The following MAPK10 variants were observed in gnomAD, a reference collection of about 807,000 sequenced individuals.
The protein encoded by MAPK10 is JNK3 alpha protein kinase.
Under a neutral mutation model 59.3 loss-of-function variants are expected in MAPK10, and 25 were observed. That is an observed-to-expected ratio of 0.42 (90% CI 0.31 to 0.59). MAPK10 has a LOEUF of 0.59. Among genes scored for constraint, MAPK10 ranks in the 20% least tolerant of loss-of-function variants. MAPK10 has a pLI of 0.15. For missense variants in MAPK10, 351 were observed against 568.9 expected (o/e 0.62, Z 3.90); for synonymous variants, 190 against 200.5 (o/e 0.95, Z 0.44).
At chr4:86,234,711 T>C (rs1429237590) in intron 2 of MAPK10, among the ~76,000 whole-genome samples, 2 of 152,138 alleles carry the variant, frequency 1.3e-5, no homozygotes, top group African/African-American at 2.4e-5. Flanking sequence ...CTTATTAATA[T>C]GGATTTTTAT....
chr4:86,377,530 A>C, intron 1 of MAPK10, among the ~76,000 whole-genome samples: 1 of 152,206 alleles, frequency 6.6e-6, no homozygotes, highest in Admixed American at 6.5e-5. Flanking sequence ...TTAGAGTGTA[A>C]GTTTCATGAG....
At chr4:86,320,476 G>T (rs979471952) in intron 2 of MAPK10, among the ~76,000 whole-genome samples, 10 of 152,158 alleles carry the variant, frequency 6.6e-5, no homozygotes, top group African/African-American at 1.9e-4. Flanking sequence ...TTGTCAGAAA[G>T]AATGGTATCA....
chr4:86,336,230 A>C (rs989951581), intron 2 of MAPK10: 12 of 126,702 alleles, frequency 9.5e-5, no homozygotes, highest in African/African-American at 3.3e-4. Flanking sequence ...GAGGGATAAC[A>C]CAAAAATGTT....
In MAPK10 at chr4:86,014,345, T is replaced by TGTGTGTGTGTGTGTGTG. The variant is rs754844876; in HGVS notation, c.*2882_*2883insCACACACACACACACAC. ...GTGTGTGTGTGTGTGTGTGTGTGTG[T>TGTGTGTGTGTGTGTGTG]TAAGACAGACAAGTGAATGCAGAAC... On this transcript the variant is annotated 3_prime_UTR_variant, in exon 14 of 14. Transcript: ENST00000641462. 1.4e-5 allele frequency: 2 copies of TGTGTGTGTGTGTGTGTG among 140,288 alleles called. No individual in the cohort carries two copies. The highest frequency in any genetic ancestry group is 3.0e-5 in the Non-Finnish European group (2 of 66,072). The allele number at this position is 140,288 out of a possible 1,614,324, so 8.7% of individuals were successfully genotyped here. A position where few individuals can be genotyped will look rare whatever the true frequency, so the allele number is the denominator to read the frequency against.
Position 86,110,772 on chromosome 4 carries a change from G to A in MAPK10, c.237-3420C>T, listed in dbSNP as rs575409127. 8.5e-5 allele frequency among the ~76,000 whole-genome samples: 13 copies of A among 152,276 alleles called. No individual in the cohort carries two copies. The South Asian group carries it at 2.7e-3, about 32-fold the overall frequency. ...AGTTTTTTCTAATTCTGTGAAGAATGTCAATGGTAGTTTAATGGGAATTGC... is the reference window on the plus strand; with the variant it reads ...AGTTTTTTCTAATTCTGTGAAGAATATCAATGGTAGTTTAATGGGAATTGC... On this transcript the variant is annotated intron_variant, in intron 4 of 13. Transcript: ENST00000641462.
chr4:86,148,530 A>C (rs2149201498), intron 4 of MAPK10, among the ~76,000 whole-genome samples: 1 of 152,292 alleles, frequency 6.6e-6, no homozygotes, highest in East Asian at 1.9e-4. Context: ...ACTATCCATG[A>C]TGATAGCCCA....
intron 2 of MAPK10, among the ~76,000 whole-genome samples, chr4:86,198,681 T>C (rs2081948960): frequency 6.6e-6 from 1 of 151,862 alleles, no homozygotes; most frequent in African/African-American, 2.4e-5. Context: ...AAATAAGTCA[T>C]AAATAATATA....
At chr4:86,358,258 C>A (rs916521865) in intron 1 of MAPK10, 4 of 985,384 alleles carry the variant, frequency 4.1e-6, no homozygotes, top group Non-Finnish European at 4.8e-6. Flanking sequence ...GTCCTTACTG[C>A]AACTATTTTA....
In MAPK10 at chr4:86,334,185, ACAGGCATCCAAGC is replaced by A. The variant is rs1443752961; in HGVS notation, c.-7+20332_-7+20344del. The stretch of plus-strand genomic sequence containing the variant: ...CTCTAAAATTGCAACCACCTCCCAC[ACAGGCATCCAAGC>A]CAGAAAGCAAGAATCATGCCTGACT... On this transcript the variant is annotated intron_variant, in intron 2 of 13. Transcript: ENST00000641462. Among the ~76,000 whole-genome samples, 5 of 152,110 alleles carry A rather than the reference ACAGGCATCCAAGC, an allele frequency of 3.3e-5. No individual in the cohort carries two copies. The South Asian group carries it at 1.0e-3, about 32-fold the overall frequency.
chr4:86,337,162 CAATAAA>C (rs2148928835), intron 2 of MAPK10, among the ~76,000 whole-genome samples: 1 of 152,214 alleles, frequency 6.6e-6, no homozygotes, highest in South Asian at 2.1e-4. Context: ...AGTAGATACT[CAATAAA>C]TATTTGTTGA....
At chr4:86,149,345 C>T (rs2065823204) in intron 4 of MAPK10, among the ~76,000 whole-genome samples, 1 of 152,184 alleles carries the variant, frequency 6.6e-6, no homozygotes, top group Non-Finnish European at 1.5e-5. Flanking sequence ...CGGCTCACTG[C>T]AGCCTCCGCC....
chr4:86,591,450 T>A (rs1763042386), intron 1 of MAPK10, among the ~76,000 whole-genome samples: 1 of 152,120 alleles, frequency 6.6e-6, no homozygotes, highest in African/African-American at 2.4e-5. Context: ...CATGGCTCAC[T>A]TCAGCCTCGA....
chr4:86,331,781 A>T (rs1564453646), intron 2 of MAPK10, among the ~76,000 whole-genome samples: 1 of 152,318 alleles, frequency 6.6e-6, no homozygotes, highest in East Asian at 1.9e-4. Context: ...CAAATCAATC[A>T]TGAAATGAAC....
chr4:86,464,789 C>T (rs184170487), intron 1 of MAPK10, among the ~76,000 whole-genome samples: 246 of 151,192 alleles, frequency 1.6e-3, no homozygotes, highest in African/African-American at 5.6e-3. Context: ...CACTGCACTC[C>T]AGGCTGGGCA....
At chr4:86,129,207 G>A (rs1421554690) in intron 4 of MAPK10, among the ~76,000 whole-genome samples, 1 of 152,130 alleles carries the variant, frequency 6.6e-6, no homozygotes, top group Non-Finnish European at 1.5e-5. Context: ...TGAGTCCCAT[G>A]GTGGTTAAAT....
intron 1 of MAPK10, among the ~76,000 whole-genome samples, chr4:86,468,438 G>A (rs1354885958): frequency 2.6e-5 from 4 of 152,112 alleles, no homozygotes; most frequent in African/African-American, 9.7e-5. Flanking sequence ...ATACTTTTAT[G>A]CATTTTGAAT....
intron 2 of MAPK10, among the ~76,000 whole-genome samples, chr4:86,297,533 G>T (rs1025038846): frequency 6.6e-6 from 1 of 152,048 alleles, no homozygotes; most frequent in Non-Finnish European, 1.5e-5. Flanking sequence ...GGCTGGTCTC[G>T]AACTCCTGAC....
At chr4:86,517,688 T>G (rs1756795192) in intron 1 of MAPK10, among the ~76,000 whole-genome samples, 1 of 152,170 alleles carries the variant, frequency 6.6e-6, no homozygotes, top group South Asian at 2.1e-4. Context: ...CTTAGGTCCT[T>G]TCTTAGTTTT....
intron 4 of MAPK10, chr4:86,120,041 G>A (rs923926956): frequency 6.6e-6 from 1 of 152,204 alleles, no homozygotes; most frequent in Non-Finnish European, 1.5e-5. Flanking sequence ...CCATCTCAAA[G>A]TGTACCTTCT....
Sources: allele counts gnomAD v4.1 joint callset (sites outside exome capture counted in the v4.1 genomes callset), GRCh38; gene constraint gnomAD v4.1.1; transcripts MANE v1.5; gene names NCBI Gene and HGNC (gene_info 2026-07-23, HGNC 2026-07-21).